The following PTPRG variants were observed in gnomAD, a reference collection of about 807,000 sequenced individuals.
The protein encoded by PTPRG is receptor-type tyrosine-protein phosphatase gamma.
In PTPRG, 102 loss-of-function variants were observed where a neutral mutation model predicts 165.3. The ratio of observed to expected loss-of-function variants is 0.62; its 90% CI spans 0.53 to 0.73. The LOEUF (loss-of-function observed/expected upper bound fraction) is 0.73. PTPRG is among the 30% of genes least tolerant of loss of function. The pLI is 0.00. For missense variants in PTPRG, 1,866 were observed against 1,861.4 expected (o/e 1.00, Z -0.05); for synonymous variants, 675 against 669.5 (o/e 1.01, Z -0.13).
At chr3:62,035,336 A>T (rs1297315091) in intron 4 of PTPRG, among the ~76,000 whole-genome samples, 1 of 152,204 alleles carries the variant, frequency 6.6e-6, no homozygotes, top group Non-Finnish European at 1.5e-5. Context: ...GAAAGGTTGC[A>T]GTTCAACTTT....
At chr3:62,113,824 TC>T (rs149637543) in intron 5 of PTPRG, among the ~76,000 whole-genome samples, 1,630 of 152,338 alleles carry the variant, frequency 0.011, 26 homozygotes, top group African/African-American at 0.037. Context: ...ATTTTCCTCA[TC>T]CTTTTTAACT....
chr3:61,922,091 A>G (rs78882527), intron 2 of PTPRG, among the ~76,000 whole-genome samples: 1,923 of 152,308 alleles, frequency 0.013, 37 homozygotes, highest in African/African-American at 0.044. Context: ...TTCTGCAGGC[A>G]TATCCTGCTT....
At chr3:62,164,975 C>G (rs1007394485) in intron 7 of PTPRG, among the ~76,000 whole-genome samples, 1 of 152,170 alleles carries the variant, frequency 6.6e-6, no homozygotes, top group East Asian at 1.9e-4. Context: ...GTCTAATTCA[C>G]GATGTATGGC....
chr3:62,233,064 A>C lies in PTPRG; in HGVS notation c.2375+1753A>C, dbSNP rs1700942583. Among the ~76,000 whole-genome samples the C allele has an allele frequency of 6.6e-6, 1 of 152,158 alleles. No individual in the cohort carries two copies. Among genetic ancestry groups the C allele is most frequent in the Non-Finnish European group, 1.5e-5 (1 of 68,036 alleles). ...TGGGGGTAGTATATGTAAAATGCTT[A>C]GTGTGTGAAATATATTAACCCATTG... On this transcript the variant is annotated intron_variant, in intron 14 of 29. Coordinates refer to ENST00000474889, the MANE Select transcript of PTPRG (RefSeq NM_002841.4). This position sits in a 1 kb window ranked among gnomAD's most constrained non-coding sequence, Gnocchi z 4.7.
At chr3:61,827,332 T>C (rs1212848569) in intron 2 of PTPRG, among the ~76,000 whole-genome samples, 1 of 152,212 alleles carries the variant, frequency 6.6e-6, no homozygotes, top group Non-Finnish European at 1.5e-5. Flanking sequence ...TTTTAGTCTT[T>C]CATGTAATCA....
chr3:62,239,332 T>TC, intron 14 of PTPRG, among the ~76,000 whole-genome samples: 1 of 151,830 alleles, frequency 6.6e-6, no homozygotes. Context: ...GAAATTCTTT[T>TC]TTTTCTTTCT....
intron 2 of PTPRG, among the ~76,000 whole-genome samples, chr3:61,965,822 C>T (rs1392070742): frequency 1.3e-5 from 2 of 152,222 alleles, no homozygotes; most frequent in African/African-American, 2.4e-5. Context: ...AGGTAACTTG[C>T]CCAGGACCAC....
intron 2 of PTPRG, among the ~76,000 whole-genome samples, chr3:61,773,795 G>A (rs944332645): frequency 2.7e-5 from 4 of 147,198 alleles, no homozygotes; most frequent in African/African-American, 1.0e-4. Flanking sequence ...TTTTTTTTGA[G>A]ACAGAGTCTT....
chr3:61,637,680 C>T (rs926857370), intron 1 of PTPRG, among the ~76,000 whole-genome samples: 4 of 152,152 alleles, frequency 2.6e-5, no homozygotes, highest in Admixed American at 6.5e-5. Flanking sequence ...GGGGTTGCGT[C>T]GCATTGCTTC....
chr3:62,286,627 A>G lies in PTPRG; in HGVS notation c.4055+3758A>G, dbSNP rs775104805. On this transcript the variant is annotated intron_variant, in intron 28 of 29. Coordinates refer to ENST00000474889, the MANE Select transcript of PTPRG (RefSeq NM_002841.4). ...TTCATTTCTTTTGTAAAATCTTTGAAGTAAATAAAGGCAGGGAAAGATGAA... is the reference window on the plus strand; with the variant it reads ...TTCATTTCTTTTGTAAAATCTTTGAGGTAAATAAAGGCAGGGAAAGATGAA... 2.6e-5 allele frequency among the ~76,000 whole-genome samples: 4 copies of G among 152,284 alleles called. No individual in the cohort carries two copies. The South Asian group carries it at 8.3e-4, about 32-fold the overall frequency.
At chr3:62,019,560 C>T (rs13070194) in intron 4 of PTPRG, among the ~76,000 whole-genome samples, 108,697 of 149,362 alleles carry the variant, frequency 0.73, 40,106 homozygotes, top group East Asian at 0.97. Flanking sequence ...GAAGAATAAG[C>T]TCAGGAGATC....
At chr3:61,727,397 A>G (rs1397775167) in intron 1 of PTPRG, among the ~76,000 whole-genome samples, 1 of 152,092 alleles carries the variant, frequency 6.6e-6, no homozygotes, top group Non-Finnish European at 1.5e-5. Flanking sequence ...CTCAGGTGGT[A>G]TGCCCAGCTC....
At chr3:61,853,630 C>T (rs1353602328) in intron 2 of PTPRG, among the ~76,000 whole-genome samples, 2 of 152,236 alleles carry the variant, frequency 1.3e-5, no homozygotes, top group South Asian at 2.1e-4. Flanking sequence ...GCCATTGCTA[C>T]ATTCCTGACC....
chr3:61,864,824 T>A (rs551849338), intron 2 of PTPRG, among the ~76,000 whole-genome samples: 22 of 152,322 alleles, frequency 1.4e-4, no homozygotes, highest in Non-Finnish European at 2.4e-4. Context: ...CTCCTCGTAA[T>A]GTGTGGTATC....
At chr3:61,852,447 A>G (rs765657949) in intron 2 of PTPRG, among the ~76,000 whole-genome samples, 1 of 152,242 alleles carries the variant, frequency 6.6e-6, no homozygotes, top group Non-Finnish European at 1.5e-5. Context: ...ACACAGATCT[A>G]TGTTTAGACA....
intron 2 of PTPRG, among the ~76,000 whole-genome samples, chr3:61,792,610 T>C (rs558425957): frequency 6.6e-6 from 1 of 152,310 alleles, no homozygotes; most frequent in African/African-American, 2.4e-5. Context: ...ATCTCAGGTG[T>C]GCTATGTCAC....
chr3:61,764,367 A>G (rs2033947701), intron 2 of PTPRG, among the ~76,000 whole-genome samples: 1 of 152,214 alleles, frequency 6.6e-6, no homozygotes. Context: ...ATCAAGCACA[A>G]GCCAGGTGGC....
At chr3:61,630,397 A>C (rs927956182) in intron 1 of PTPRG, among the ~76,000 whole-genome samples, 2 of 152,194 alleles carry the variant, frequency 1.3e-5, no homozygotes, top group Non-Finnish European at 2.9e-5. Flanking sequence ...AAAACATTTA[A>C]GTTTTCTTAG....
At chr3:62,289,173 C>T (rs563223405) in intron 28 of PTPRG, among the ~76,000 whole-genome samples, 2 of 152,110 alleles carry the variant, frequency 1.3e-5, no homozygotes, top group African/African-American at 4.8e-5. Context: ...TTTATTCAAC[C>T]TCAGAATGTG....
Sources: gnomAD v4.1 joint callset for allele counts (sites outside exome capture counted in the v4.1 genomes callset) on GRCh38, gnomAD v4.1.1 for gene constraint, Gnocchi (gnomAD v3.1) non-coding constraint, MANE v1.5 for transcripts, NCBI Gene and HGNC (gene_info 2026-07-23, HGNC 2026-07-21) for gene names.